The following SUCNR1 variants were observed in gnomAD, a reference collection of about 807,000 sequenced individuals.
SUCNR1 encodes the protein succinate receptor 1.
SUCNR1 carries 5 observed loss-of-function variants against 2.4 expected under a neutral mutation model. The observed-to-expected ratio is 2.07, with a 90% confidence interval of 1.08 to 4.36. The LOEUF (loss-of-function observed/expected upper bound fraction) is 4.36. SUCNR1 is among the 30% of genes most tolerant of loss of function. The pLI is 0.00. For synonymous variants in SUCNR1, 162 were observed against 143.9 expected, an observed-to-expected ratio of 1.13 and a Z score of -0.90; for missense variants, 373 against 399.2, an observed-to-expected ratio of 0.93 and a Z score of 0.56.
At chr3:151,878,801 T>C (rs1717998294) in intron 1 of SUCNR1, among the ~76,000 whole-genome samples, 1 of 152,210 alleles carries the variant, frequency 6.6e-6, no homozygotes, top group Non-Finnish European at 1.5e-5. Context: ...TCTACAATTC[T>C]GTGACTTATT....
chr3:151,875,808 C>T (rs956587747), intron 1 of SUCNR1, among the ~76,000 whole-genome samples: 1 of 152,156 alleles, frequency 6.6e-6, no homozygotes, highest in African/African-American at 2.4e-5. Context: ...TTCAGCTCTA[C>T]TCCTTCCCTA....
intron 1 of SUCNR1, among the ~76,000 whole-genome samples, chr3:151,875,642 T>A (rs1041362594): frequency 6.6e-6 from 1 of 152,172 alleles, no homozygotes; most frequent in African/African-American, 2.4e-5. Context: ...TTACAGACCA[T>A]TTTTATTTCT....
At chr3:151,879,758 A>C in intron 1 of SUCNR1, 94 bp from the exon 2 acceptor site, 3 of 518,662 alleles carry the variant, frequency 5.8e-6, no homozygotes, top group Non-Finnish European at 1.0e-5. Context: ...TTATGAATTT[A>C]ATACAATAAG....
chr3:151,880,796 A>G lies in SUCNR1; in HGVS notation c.253A>G (p.Asn85Asp), dbSNP rs774162218. 3 of 1,614,168 alleles carry G rather than the reference A, an allele frequency of 1.9e-6. No individual in the cohort carries two copies. Among genetic ancestry groups the G allele is most frequent in the South Asian group, 1.1e-5 (1 of 91,084 alleles). The change falls in exon 3 of 3, where the codon AAT becomes GAT. Residue 85 changes from asparagine (N) to aspartate (D), a missense_variant. Transcript: ENST00000362032. ...CCCCATGCTGATAAGGAGTTATGCC[A>G]ATGGAAACTGGATATATGGAGACGT... ...TLPMLIRSYA[N>D]GNWIYGDVLC... is the part of the protein sequence containing the mutation.
intron 1 of SUCNR1, among the ~76,000 whole-genome samples, chr3:151,879,649 T>C (rs1225988623): frequency 6.6e-6 from 1 of 152,206 alleles, no homozygotes; most frequent in African/African-American, 2.4e-5. Context: ...GCATGGCATC[T>C]TTCAATAAAT....
chr3:151,877,644 A>G (rs1402988117), intron 1 of SUCNR1, among the ~76,000 whole-genome samples: 2 of 152,174 alleles, frequency 1.3e-5, no homozygotes, highest in African/African-American at 4.8e-5. Flanking sequence ...ACCTGGATAC[A>G]TGGCAGAACC....
intron 2 of SUCNR1, among the ~76,000 whole-genome samples, chr3:151,880,258 A>T (rs1381670271): frequency 1.3e-5 from 2 of 152,134 alleles, no homozygotes; most frequent in Non-Finnish European, 2.9e-5. Context: ...TTCATTGTTT[A>T]CTTCCTGATT....
Position 151,880,640 on chromosome 3 carries a change from G to C in SUCNR1, c.97G>C (p.Glu33Gln). The change falls in exon 3 of 3, where the codon GAG (glutamate) becomes CAG (glutamine). Residue 33 changes from glutamate to glutamine, a missense_variant. Around this residue, in one of 3 missense-constraint regions of SUCNR1, gnomAD observed 184 missense variants for 162.2 expected, o/e 1.13. Coordinates refer to ENST00000362032, the MANE Select transcript of SUCNR1 (RefSeq NM_033050.6). ...KYYLSIFYGI[E>Q]FVVGVLGNTI... is the part of the protein sequence containing the mutation. ...CTACCTTTCCATTTTTTATGGGATT[G>C]AGTTCGTTGTGGGAGTCCTTGGAAA... is the stretch of plus-strand genomic sequence containing the variant. 3.1e-6 allele frequency: 5 copies of C among 1,614,012 alleles called. No individual in the cohort carries two copies. The highest frequency in any genetic ancestry group is 3.4e-6 in the Non-Finnish European group (4 of 1,179,938).
At chr3:151,874,144 ATAT>A (rs1389144684) in intron 1 of SUCNR1, among the ~76,000 whole-genome samples, 2 of 62,890 alleles carry the variant, frequency 3.2e-5, no homozygotes, top group Admixed American at 2.1e-4. Context: ...ATATATATAT[ATAT>A]TTTTTTTTTT....
chr3:151,878,576 G>A (rs187203334), intron 1 of SUCNR1, among the ~76,000 whole-genome samples: 17 of 152,190 alleles, frequency 1.1e-4, no homozygotes, highest in Admixed American at 3.3e-4. Context: ...ATGAGAGAGC[G>A]GTAGAATTAG....
chr3:151,881,128 G>A lies in SUCNR1; in HGVS notation c.585G>A (p.Gly195=), dbSNP rs756919624. Residue 195 remains glycine, a synonymous_variant, in exon 3 of 3, where the codon GGG becomes GGA. Transcript: ENST00000362032. The part of the protein sequence containing the change: ...LIYSMCLTLL[G]FLIPLFVMCF... ...ACAGCATGTGTCTAACACTGTTGGGGTTCCTTATTCCTCTTTTTGTGATGT... is the reference window on the plus strand; with the variant it reads ...ACAGCATGTGTCTAACACTGTTGGGATTCCTTATTCCTCTTTTTGTGATGT... 1.9e-5 allele frequency: 31 copies of A among 1,613,982 alleles called. No individual in the cohort carries two copies. The highest frequency in any genetic ancestry group is 1.6e-4 in the Middle Eastern group (1 of 6,084).
intron 1 of SUCNR1, among the ~76,000 whole-genome samples, chr3:151,874,140 ATATATAT>A (rs1305973728): frequency 0.021 from 1,276 of 62,160 alleles, 8 homozygotes; most frequent in Non-Finnish European, 0.033. Flanking sequence ...ATATATATAT[ATATATAT>A]TTTTTTTTTT....
At chr3:151,880,084 C>T (rs1241935061) in intron 2 of SUCNR1, among the ~76,000 whole-genome samples, 177 bp downstream of exon 2, 1 of 152,148 alleles carries the variant, frequency 6.6e-6, no homozygotes, top group Non-Finnish European at 1.5e-5. Flanking sequence ...ATGTCTCTTT[C>T]ACTTTCTTCA....
At chr3:151,879,613 T>A (rs377058345) in intron 1 of SUCNR1, among the ~76,000 whole-genome samples, 26 of 152,132 alleles carry the variant, frequency 1.7e-4, no homozygotes, top group African/African-American at 6.3e-4. Flanking sequence ...ATAAATTTCT[T>A]TTTTTTATAA....
rs762657336 is a variant in SUCNR1, at chr3:151,881,116, A to C, written c.573A>C (p.Leu191=). The C allele has an allele frequency of 6.2e-7, 1 of 1,614,136 alleles. No homozygotes were observed. Among genetic ancestry groups the C allele is most frequent in the Non-Finnish European group, 8.5e-7 (1 of 1,180,006 alleles). ...PNYNLIYSMC[L]TLLGFLIPLF... ...ACAACCTCATTTACAGCATGTGTCTAACACTGTTGGGGTTCCTTATTCCTC... is the reference window on the plus strand; with the variant it reads ...ACAACCTCATTTACAGCATGTGTCTCACACTGTTGGGGTTCCTTATTCCTC... Residue 191 remains leucine, a synonymous_variant, in exon 3 of 3, where the codon CTA becomes CTC. Transcript: ENST00000362032.
intron 2 of SUCNR1, 102 bp from the exon 3 acceptor site, chr3:151,880,457 A>G: frequency 1.2e-6 from 1 of 814,260 alleles, no homozygotes; most frequent in Non-Finnish European, 2.0e-6. Flanking sequence ...TACTTTCTAT[A>G]GTTCACCATT....
At chr3:151,875,825 C>G (rs964050435) in intron 1 of SUCNR1, among the ~76,000 whole-genome samples, 1 of 152,170 alleles carries the variant, frequency 6.6e-6, no homozygotes, top group Non-Finnish European at 1.5e-5. Context: ...CCTACTACTC[C>G]TTCAATCCCC....
chr3:151,880,971 C>T lies in SUCNR1; in HGVS notation c.428C>T (p.Ser143Phe), dbSNP rs912471214. ...AAGAAAGAGTTTGCTATTTTAATCT[C>T]CTTGGCCATTTGGGTTTTAGTAACC... is the stretch of plus-strand genomic sequence containing the variant. ...LQKKEFAILI[S>F]LAIWVLVTLE... Residue 143 changes from serine (S) to phenylalanine (F), a missense_variant, in exon 3 of 3, where the codon TCC (serine) becomes TTC (phenylalanine). Coordinates refer to ENST00000362032, the MANE Select transcript of SUCNR1 (RefSeq NM_033050.6). 1 of 1,613,962 alleles carries T rather than the reference C, an allele frequency of 6.2e-7. No homozygotes were observed. Among genetic ancestry groups the T allele is most frequent in the African/African-American group, 1.3e-5 (1 of 74,906 alleles).
chr3:151,877,411 G>A (rs1287750284), intron 1 of SUCNR1, among the ~76,000 whole-genome samples: 4 of 152,162 alleles, frequency 2.6e-5, no homozygotes, highest in Non-Finnish European at 5.9e-5. Flanking sequence ...AAGATGAACT[G>A]ATGAGGGCCA....
Sources: gnomAD v4.1 joint callset for allele counts (sites outside exome capture counted in the v4.1 genomes callset) on GRCh38, gnomAD v4.1.1 for gene constraint, gnomAD v4.1.1 regional missense constraint, MANE v1.5 for transcripts, NCBI Gene and HGNC (gene_info 2026-07-23, HGNC 2026-07-21) for gene names.